FAT3: variants seen among roughly 807,000 people sequenced by gnomAD.
FAT3 encodes protocadherin Fat 3.
FAT3 carries 95 observed loss-of-function variants against 310.2 expected under a neutral mutation model. That is an observed-to-expected ratio of 0.31 (90% confidence interval 0.26 to 0.36). The LOEUF is 0.36. FAT3 is among the 10% of genes least tolerant of loss of function. The probability of loss-of-function intolerance (pLI) is 1.00; values close to 1 mark genes in which losing one functional copy is unlikely to be tolerated. For synonymous variants in FAT3, 2,314 were observed against 2,192.9 expected (o/e 1.06, Z -1.54); for missense variants, 5,408 against 5,715.6 (o/e 0.95, Z 1.74).
chr11:92,749,692 GA>G (rs550510186), intron 4 of FAT3, among the ~76,000 whole-genome samples: 84 of 152,280 alleles, frequency 5.5e-4, no homozygotes, highest in African/African-American at 1.9e-3. Context: ...CCTATGTGGT[GA>G]CCAGTAAGTA....
intron 1 of FAT3, among the ~76,000 whole-genome samples, chr11:92,342,877 C>G (rs1295918468): frequency 6.6e-6 from 1 of 152,102 alleles, no homozygotes; most frequent in Non-Finnish European, 1.5e-5. Flanking sequence ...TATATCCTCT[C>G]CTTACTTTTT....
At chr11:92,326,428 C>T (rs1947766013) in intron 1 of FAT3, among the ~76,000 whole-genome samples, 1 of 152,020 alleles carries the variant, frequency 6.6e-6, no homozygotes, top group East Asian at 1.9e-4. Context: ...TCCTTCTAAC[C>T]GCCTTCCATG....
intron 1 of FAT3, among the ~76,000 whole-genome samples, chr11:92,278,680 A>C (rs947688130): frequency 9.2e-5 from 14 of 152,164 alleles, no homozygotes; most frequent in African/African-American, 3.4e-4. Flanking sequence ...AAATAAATAG[A>C]AGAATAAAAA....
chr11:92,517,844 T>C (rs1262131752), intron 2 of FAT3, among the ~76,000 whole-genome samples: 1 of 152,176 alleles, frequency 6.6e-6, no homozygotes, highest in East Asian at 1.9e-4. Context: ...AGAAGACATT[T>C]ATATGGCAAA....
At chr11:92,331,502 A>G (rs1947923652) in intron 1 of FAT3, among the ~76,000 whole-genome samples, 1 of 152,090 alleles carries the variant, frequency 6.6e-6, no homozygotes, top group Non-Finnish European at 1.5e-5. Flanking sequence ...TTATTTTAGC[A>G]GTAAACCCCT....
intron 23 of FAT3, among the ~76,000 whole-genome samples, chr11:92,881,828 G>T (rs1216089904): frequency 6.6e-6 from 1 of 152,156 alleles, no homozygotes; most frequent in African/African-American, 2.4e-5. Flanking sequence ...GCTTTAAAGA[G>T]AATAAAATTG....
intron 22 of FAT3, among the ~76,000 whole-genome samples, chr11:92,871,090 T>TA (rs1296079331): frequency 1.3e-5 from 2 of 152,184 alleles, no homozygotes; most frequent in East Asian, 3.9e-4. Context: ...TTCAAGGTTA[T>TA]AGTGAGCTAT....
intron 3 of FAT3, among the ~76,000 whole-genome samples, chr11:92,649,874 C>CATGTATATATATAT (rs1300301742): frequency 4.0e-5 from 2 of 49,658 alleles, no homozygotes; most frequent in African/African-American, 1.6e-4. Flanking sequence ...TTTGTATGTT[C>CATGTATATATATAT]ATATATATAT....
chr11:92,679,568 C>T (rs1467368719), intron 3 of FAT3, among the ~76,000 whole-genome samples: 1 of 151,918 alleles, frequency 6.6e-6, no homozygotes, highest in African/African-American at 2.4e-5. Context: ...TGAGGCCAGG[C>T]ACGGTGGCTC....
intron 3 of FAT3, among the ~76,000 whole-genome samples, chr11:92,540,346 G>A (rs919588274): frequency 3.9e-5 from 6 of 152,190 alleles, no homozygotes; most frequent in Admixed American, 3.3e-4. Flanking sequence ...ATTTATTTCC[G>A]GGATCAGAGG....
intron 3 of FAT3, among the ~76,000 whole-genome samples, chr11:92,573,215 T>C (rs1938277774): frequency 6.6e-6 from 1 of 152,140 alleles, no homozygotes; most frequent in Admixed American, 6.5e-5. Context: ...TCTTGGGTAA[T>C]AAATACTTAA....
At chr11:92,462,384 C>T (rs1951659168) in intron 2 of FAT3, among the ~76,000 whole-genome samples, 1 of 152,034 alleles carries the variant, frequency 6.6e-6, no homozygotes, top group Admixed American at 6.6e-5. Flanking sequence ...CATGTGTACT[C>T]GCTGTTTTGC....
rs150737596 is a variant in FAT3 at position 92,547,915 on chromosome 11, G to A, written c.3607+22967G>A. Among the ~76,000 whole-genome samples, 286 of 152,270 alleles carry A rather than the reference G, an allele frequency of 1.9e-3. 2 individuals are homozygous for A. Among genetic ancestry groups the A allele is most frequent in the African/African-American group, 6.6e-3 (274 of 41,564 alleles). ...GGAGGGCTGTGCAGAGGCTCTGGGG[G>A]GCACATCTCCTTGGCTTCTTGGGCT... On this transcript the variant is annotated intron_variant, in intron 3 of 27. Transcript: ENST00000525166.
At chr11:92,639,026 G>C (rs1299201074) in intron 3 of FAT3, among the ~76,000 whole-genome samples, 2 of 152,062 alleles carry the variant, frequency 1.3e-5, no homozygotes, top group East Asian at 3.9e-4. Flanking sequence ...ATTTCTCTAG[G>C]TTAATGCATT....
At chr11:92,814,302 C>A (rs1432270342) in intron 13 of FAT3, among the ~76,000 whole-genome samples, 1 of 152,228 alleles carries the variant, frequency 6.6e-6, no homozygotes, top group Non-Finnish European at 1.5e-5. Flanking sequence ...ACTTGCTAAA[C>A]CTTCATATCC....
intron 3 of FAT3, among the ~76,000 whole-genome samples, chr11:92,666,458 T>G (rs1466750000): frequency 6.6e-6 from 1 of 151,570 alleles, no homozygotes; most frequent in Non-Finnish European, 1.5e-5. Context: ...TTCACGCCAT[T>G]CTCCTGCCTC....
chr11:92,350,919 T>G (rs1288049328), intron 1 of FAT3, among the ~76,000 whole-genome samples: 2 of 152,142 alleles, frequency 1.3e-5, no homozygotes, highest in East Asian at 3.9e-4. Context: ...GAACTCATAT[T>G]TGGGGGTTCT....
intron 1 of FAT3, among the ~76,000 whole-genome samples, chr11:92,295,543 A>G (rs746807973): frequency 1.3e-5 from 2 of 152,126 alleles, no homozygotes; most frequent in African/African-American, 2.4e-5. Context: ...GCCTCCCACA[A>G]TGATCAGTTA....
intron 7 of FAT3, among the ~76,000 whole-genome samples, chr11:92,779,430 A>G (rs977894893): frequency 2.0e-5 from 3 of 152,140 alleles, no homozygotes; most frequent in Admixed American, 6.5e-5. Context: ...GCATGACAAG[A>G]GGAGACTTAA....
Sources: allele counts gnomAD v4.1 joint callset (sites outside exome capture counted in the v4.1 genomes callset), GRCh38; gene constraint gnomAD v4.1.1; transcripts MANE v1.5; gene names NCBI Gene and HGNC (gene_info 2026-07-23, HGNC 2026-07-21).